Variants in EDIL3 observed in about 807,000 individuals in gnomAD.
The protein encoded by EDIL3 is EGF-like repeat and discoidin I-like domain-containing protein 3.
Under a neutral mutation model 67.4 loss-of-function variants are expected in EDIL3, and 37 were observed. The observed-to-expected ratio is 0.55, with a 90% CI of 0.42 to 0.72. The LOEUF (loss-of-function observed/expected upper bound fraction) is 0.72, where lower values mean the gene tolerates loss of function less well. Ranked by LOEUF, EDIL3 falls within the 30% of genes least tolerant of loss-of-function variation. The pLI, the probability that EDIL3 is intolerant of heterozygous loss-of-function variation, is 0.00. For missense variants in EDIL3, 527 were observed against 586.3 expected, an observed-to-expected ratio of 0.90 and a Z score of 1.04; for synonymous variants, 195 against 196.3, an observed-to-expected ratio of 0.99 and a Z score of 0.05.
At chr5:84,174,627 T>A (rs1748869165) in intron 4 of EDIL3, among the ~76,000 whole-genome samples, 1 of 152,018 alleles carries the variant, frequency 6.6e-6, no homozygotes, top group South Asian at 2.1e-4. Context: ...GTCAGGTGCT[T>A]GGGTGTCATC....
chr5:84,364,455 G>A (rs951007148), intron 1 of EDIL3, among the ~76,000 whole-genome samples: 1 of 152,096 alleles, frequency 6.6e-6, no homozygotes, highest in East Asian at 1.9e-4. Context: ...ATGAGATTGT[G>A]TATATAAACA....
At chr5:84,296,629 C>A (rs922226158) in intron 1 of EDIL3, among the ~76,000 whole-genome samples, 2 of 152,142 alleles carry the variant, frequency 1.3e-5, no homozygotes, top group Non-Finnish European at 2.9e-5. Context: ...TTGTGTACAA[C>A]TAAAGGAAAC....
chr5:84,174,255 C>G (rs554684753), intron 4 of EDIL3, among the ~76,000 whole-genome samples: 2 of 152,274 alleles, frequency 1.3e-5, no homozygotes, highest in Admixed American at 1.3e-4. Flanking sequence ...CACTTTTAGA[C>G]CTGGATGAAG....
chr5:84,113,710 AGT>A (rs1462712359), intron 5 of EDIL3, among the ~76,000 whole-genome samples: 2 of 152,182 alleles, frequency 1.3e-5, no homozygotes, highest in African/African-American at 4.8e-5. Flanking sequence ...CTTTCAAATA[AGT>A]GAGATGCACA....
chr5:84,354,913 T>C (rs149307665), intron 1 of EDIL3, among the ~76,000 whole-genome samples: 20 of 152,280 alleles, frequency 1.3e-4, no homozygotes, highest in Middle Eastern at 3.4e-3. Context: ...AAATCACCTA[T>C]TATTTTTTCC....
At chr5:84,205,364 T>C (rs113214015) in intron 3 of EDIL3, among the ~76,000 whole-genome samples, 1,588 of 152,274 alleles carry the variant, frequency 0.01, 33 homozygotes, top group African/African-American at 0.036. Context: ...AAAATAATGA[T>C]GGACAGTCAT....
At chr5:84,268,764 C>T (rs956963996) in intron 1 of EDIL3, among the ~76,000 whole-genome samples, 9 of 152,250 alleles carry the variant, frequency 5.9e-5, no homozygotes, top group African/African-American at 1.4e-4. Context: ...ATCACCACTT[C>T]GTACTGTTCC....
intron 4 of EDIL3, among the ~76,000 whole-genome samples, chr5:84,158,391 C>T (rs1247509109): frequency 1.3e-5 from 2 of 152,042 alleles, no homozygotes; most frequent in Non-Finnish European, 2.9e-5. Flanking sequence ...TAGCAATACA[C>T]ACACAAATTC....
intron 4 of EDIL3, among the ~76,000 whole-genome samples, chr5:84,140,014 T>C (rs1580345788): frequency 6.6e-6 from 1 of 152,292 alleles, no homozygotes; most frequent in African/African-American, 2.4e-5. Flanking sequence ...GAACCCTTAG[T>C]GCAGGCTGAG....
At chr5:84,182,155 G>A (rs1205643681) in intron 3 of EDIL3, among the ~76,000 whole-genome samples, 1 of 152,016 alleles carries the variant, frequency 6.6e-6, no homozygotes, top group Non-Finnish European at 1.5e-5. Flanking sequence ...AGCTGAACGA[G>A]GTGGTGCACG....
At chr5:84,208,036 A>C (rs1744024248) in intron 3 of EDIL3, among the ~76,000 whole-genome samples, 1 of 150,498 alleles carries the variant, frequency 6.6e-6, no homozygotes, top group Non-Finnish European at 1.5e-5. Context: ...CAAAAGCCAA[A>C]ATTGACAAAT....
intron 1 of EDIL3, among the ~76,000 whole-genome samples, chr5:84,381,065 T>G (rs902495355): frequency 1.3e-5 from 2 of 152,152 alleles, no homozygotes; most frequent in African/African-American, 4.8e-5. Context: ...TGCCTACTTT[T>G]GAAGATTTTT....
intron 9 of EDIL3, among the ~76,000 whole-genome samples, chr5:83,969,841 G>A (rs1744760139): frequency 6.6e-6 from 1 of 151,668 alleles, no homozygotes; most frequent in Non-Finnish European, 1.5e-5. Context: ...AATGTCTAAT[G>A]ATCAGATCAG....
intron 1 of EDIL3, among the ~76,000 whole-genome samples, chr5:84,326,760 C>T (rs990388943): frequency 2.6e-5 from 4 of 151,908 alleles, no homozygotes; most frequent in Non-Finnish European, 2.9e-5. Flanking sequence ...CATTTCTATA[C>T]ACTATTTCAG....
intron 1 of EDIL3, among the ~76,000 whole-genome samples, chr5:84,349,033 G>A (rs1747298760): frequency 6.6e-6 from 1 of 152,158 alleles, no homozygotes; most frequent in Admixed American, 6.6e-5. Flanking sequence ...ATAATAGCCT[G>A]ACATTTTAAC....
chr5:84,027,295 T>A (rs536005498), intron 9 of EDIL3, among the ~76,000 whole-genome samples: 8 of 152,280 alleles, frequency 5.3e-5, no homozygotes, highest in African/African-American at 1.4e-4. Context: ...GTAATCTATA[T>A]CTCATTCATG....
At position 84,150,264 on chromosome 5, in the gene EDIL3, A is replaced by G. The variant is rs1436983013; in HGVS notation, c.356-12910T>C. On this transcript the variant is annotated intron_variant, in intron 4 of 10. Transcript: ENST00000296591. ...AGAAATCACTCAAAATAGATTGTAG[A>G]TTACAAAGTGAAACTTAAAACTATT... Among the ~76,000 whole-genome samples the G allele has an allele frequency of 2.0e-5, 3 of 152,332 alleles. No homozygotes were observed. The East Asian group carries it at 5.8e-4, about 29-fold the overall frequency.
intron 5 of EDIL3, among the ~76,000 whole-genome samples, chr5:84,130,212 A>G (rs1018484188): frequency 1.3e-5 from 2 of 152,088 alleles, no homozygotes; most frequent in Non-Finnish European, 2.9e-5. Flanking sequence ...CCCTCATGGC[A>G]CTTACCATAT....
intron 6 of EDIL3, among the ~76,000 whole-genome samples, chr5:84,098,732 T>C (rs1580326082): frequency 6.6e-6 from 1 of 151,990 alleles, no homozygotes; most frequent in Non-Finnish European, 1.5e-5. Context: ...CTACAACACT[T>C]CAGAATCTCT....
Sources: allele counts gnomAD v4.1 joint callset (sites outside exome capture counted in the v4.1 genomes callset), GRCh38; gene constraint gnomAD v4.1.1; transcripts MANE v1.5; gene names NCBI Gene and HGNC (gene_info 2026-07-23, HGNC 2026-07-21).